NEGR1: variants seen among roughly 807,000 people sequenced by gnomAD.
NEGR1 encodes the protein neuronal growth regulator 1, also known as IgLON family member 4.
A neutral mutation model predicts 40.9 loss-of-function variants in NEGR1; 10 were observed. The observed-to-expected ratio is 0.24, with a 90% CI of 0.15 to 0.42. The LOEUF (loss-of-function observed/expected upper bound fraction) is 0.42. Among genes scored for constraint, NEGR1 ranks in the 10% least tolerant of loss-of-function variants. The pLI is 1.00. For missense variants in NEGR1, 352 were observed against 438.9 expected, an observed-to-expected ratio of 0.80 and a Z score of 1.77; for synonymous variants, 185 against 166.8, an observed-to-expected ratio of 1.11 and a Z score of -0.84.
chr1:72,232,286 G>T (rs1340874833), intron 1 of NEGR1, among the ~76,000 whole-genome samples: 1 of 151,892 alleles, frequency 6.6e-6, no homozygotes, highest in Non-Finnish European at 1.5e-5. Flanking sequence ...GAACCCGGGA[G>T]GCGGAGGTTG....
chr1:71,829,875 A>C (rs1658778683), intron 2 of NEGR1, among the ~76,000 whole-genome samples: 1 of 151,922 alleles, frequency 6.6e-6, no homozygotes, highest in African/African-American at 2.4e-5. Flanking sequence ...ACAGCCTTTT[A>C]TTACTTAAAA....
chr1:71,877,776 A>C (rs1660474008), intron 2 of NEGR1, among the ~76,000 whole-genome samples: 1 of 152,142 alleles, frequency 6.6e-6, no homozygotes, highest in Non-Finnish European at 1.5e-5. Context: ...AACAATAAAA[A>C]ATTGCTTTCA....
chr1:72,224,750 A>G (rs1654121079), intron 1 of NEGR1, among the ~76,000 whole-genome samples: 1 of 151,976 alleles, frequency 6.6e-6, no homozygotes, highest in East Asian at 1.9e-4. Context: ...TTGGAGTAAA[A>G]CTGAGAAACT....
At chr1:71,952,077 A>G (rs368318401) in intron 1 of NEGR1, among the ~76,000 whole-genome samples, 7 of 151,890 alleles carry the variant, frequency 4.6e-5, no homozygotes, top group East Asian at 3.9e-4. Flanking sequence ...AATCAGACCA[A>G]TTAAAAACCC....
intron 1 of NEGR1, among the ~76,000 whole-genome samples, chr1:72,029,322 T>A (rs3102912): frequency 0.52 from 79,155 of 151,820 alleles, 21,616 homozygotes; most frequent in East Asian, 0.67. Context: ...CTCTAAAAAA[T>A]ATAAAAATGG....
At chr1:71,881,164 G>A (rs1432965871) in intron 2 of NEGR1, among the ~76,000 whole-genome samples, 2 of 151,946 alleles carry the variant, frequency 1.3e-5, no homozygotes, top group African/African-American at 2.4e-5. Flanking sequence ...AACTCTTCTA[G>A]AAATTACACA....
intron 2 of NEGR1, among the ~76,000 whole-genome samples, chr1:71,807,738 A>G (rs1557660005): frequency 6.6e-6 from 1 of 152,194 alleles, no homozygotes; most frequent in East Asian, 1.9e-4. Context: ...GCAGTTTCTT[A>G]CGAAAGTTTA....
chr1:72,119,268 A>G (rs1172880451), intron 1 of NEGR1, among the ~76,000 whole-genome samples: 2 of 152,072 alleles, frequency 1.3e-5, no homozygotes, highest in East Asian at 3.9e-4. Flanking sequence ...AGAGAAGTTA[A>G]GGGCTTTCCT....
intron 4 of NEGR1, among the ~76,000 whole-genome samples, chr1:71,643,052 C>T (rs1353183917): frequency 3.3e-5 from 5 of 151,928 alleles, no homozygotes; most frequent in Admixed American, 1.3e-4. Flanking sequence ...TGCTACCAAT[C>T]CCTTCAAATA....
chr1:71,688,325 T>TATATATATAGATAGATAG (rs1475341609), intron 4 of NEGR1, among the ~76,000 whole-genome samples: 1 of 103,208 alleles, frequency 9.7e-6, no homozygotes, highest in African/African-American at 3.7e-5. Context: ...TATATATATA[T>TATATATATAGATAGATAG]ATAGATAGAT....
At chr1:71,493,553 T>C (rs1646943181) in intron 6 of NEGR1, among the ~76,000 whole-genome samples, 1 of 152,198 alleles carries the variant, frequency 6.6e-6, no homozygotes, top group Non-Finnish European at 1.5e-5. Flanking sequence ...TCTTATGTTT[T>C]AAAAACTGGT....
At chr1:71,964,314 G>A (rs567025897) in intron 1 of NEGR1, among the ~76,000 whole-genome samples, 6 of 152,176 alleles carry the variant, frequency 3.9e-5, no homozygotes, top group South Asian at 2.1e-4. Flanking sequence ...TTGAAATGAC[G>A]AGGCAGGAAT....
chr1:72,054,117 T>C (rs1175696504), intron 1 of NEGR1, among the ~76,000 whole-genome samples: 1 of 151,334 alleles, frequency 6.6e-6, no homozygotes, highest in East Asian at 1.9e-4. Context: ...AAATATCTCC[T>C]GCATAAAAAT....
intron 1 of NEGR1, among the ~76,000 whole-genome samples, chr1:71,960,429 A>C (rs1358036538): frequency 6.6e-6 from 1 of 152,196 alleles, no homozygotes; most frequent in Non-Finnish European, 1.5e-5. Flanking sequence ...TCAGGCCTTT[A>C]AATGAAGGTT....
Position 71,396,212 on chromosome 1 carries a change from G to A in NEGR1, c.*11234C>T, listed in dbSNP as rs1351041344. On this transcript the variant is annotated 3_prime_UTR_variant, in exon 7 of 7. Transcript: ENST00000357731. ...TCCTTTCTCACTTTCAGTTTAAAGT[G>A]AAATCAGCTTCCCAAAGAAAGGATT... The A allele has an allele frequency of 6.6e-6, 1 of 152,022 alleles. No individual in the cohort carries two copies. Among genetic ancestry groups the A allele is most frequent in the African/African-American group, 2.4e-5 (1 of 41,362 alleles). The allele number at this position is 152,022 out of a possible 1,614,324, so 9.4% of individuals were successfully genotyped here. A position where few individuals can be genotyped will look rare whatever the true frequency, so the allele number is the denominator to read the frequency against.
intron 6 of NEGR1, among the ~76,000 whole-genome samples, chr1:71,529,424 G>A (rs1647291967): frequency 6.6e-6 from 1 of 151,074 alleles, no homozygotes; most frequent in African/African-American, 2.4e-5. Context: ...CAGGGATCAA[G>A]GTCACAGACT....
At chr1:71,797,777 C>T (rs1199334470) in intron 2 of NEGR1, among the ~76,000 whole-genome samples, 2 of 152,026 alleles carry the variant, frequency 1.3e-5, no homozygotes, top group Non-Finnish European at 2.9e-5. Flanking sequence ...TTGTTTCCTT[C>T]TAAATAACAT....
intron 6 of NEGR1, among the ~76,000 whole-genome samples, chr1:71,502,726 C>G (rs893627469): frequency 7.2e-5 from 11 of 152,156 alleles, no homozygotes; most frequent in Non-Finnish European, 1.3e-4. Context: ...ACCATGGCAA[C>G]CAGGCAACCT....
Position 71,984,377 on chromosome 1 carries a change from G to A in NEGR1, c.177-49066C>T, listed in dbSNP as rs566668921. ...TCCTGGTATCAAGTGATCTCACCTC[G>A]GCCCCCCAAAGTGCTGGGATTACAG... is the stretch of plus-strand genomic sequence containing the variant. On this transcript the variant is annotated intron_variant, in intron 1 of 6. Transcript: ENST00000357731. 1.3e-4 allele frequency among the ~76,000 whole-genome samples: 20 copies of A among 151,934 alleles called. No homozygotes were observed. The South Asian group carries it at 3.5e-3, about 27-fold the overall frequency.
Sources: allele counts gnomAD v4.1 joint callset (sites outside exome capture counted in the v4.1 genomes callset), GRCh38; gene constraint gnomAD v4.1.1; transcripts MANE v1.5; gene names NCBI Gene and HGNC (gene_info 2026-07-23, HGNC 2026-07-21).